Variants in ARB2A observed in about 807,000 individuals in gnomAD.
ARB2A encodes cotranscriptional regulator ARB2A.
the ARB2A span, among the ~76,000 whole-genome samples, chr5:93,728,080 T>C: frequency 2.0e-5 from 3 of 152,094 alleles, no homozygotes; most frequent in African/African-American, 4.8e-5. Context: ...AAGATATATA[T>C]ATACGGTTTT....
chr5:94,002,709 TA>T, the ARB2A span, among the ~76,000 whole-genome samples: 12 of 150,866 alleles, frequency 8.0e-5, no homozygotes, highest in African/African-American at 1.2e-4. Flanking sequence ...TCTTTTTTTT[TA>T]AAAAAAAAGT....
chr5:93,907,079 G>A, the ARB2A span, among the ~76,000 whole-genome samples: 1 of 151,422 alleles, frequency 6.6e-6, no homozygotes. Context: ...GGTTTGGGAT[G>A]CTACTGTGTA....
the ARB2A span, among the ~76,000 whole-genome samples, chr5:93,844,046 A>G: frequency 6.6e-6 from 1 of 151,968 alleles, no homozygotes; most frequent in African/African-American, 2.4e-5. Context: ...AAGAAAGAAA[A>G]ATAAAATTTT....
At chr5:93,915,490 TG>T in the ARB2A span, among the ~76,000 whole-genome samples, 2 of 151,814 alleles carry the variant, frequency 1.3e-5, no homozygotes, top group Admixed American at 1.3e-4. Flanking sequence ...CATCTATTCA[TG>T]ATCAAATTCT....
chr5:93,742,638 G>T, the ARB2A span, among the ~76,000 whole-genome samples: 1 of 152,110 alleles, frequency 6.6e-6, no homozygotes, highest in Admixed American at 6.6e-5. Context: ...CAACCATGAT[G>T]TGGCTCTGTC....
the ARB2A span, among the ~76,000 whole-genome samples, chr5:93,898,764 C>A: frequency 1.2e-3 from 184 of 152,168 alleles, no homozygotes; most frequent in African/African-American, 4.2e-3. Flanking sequence ...ATAATCTGCA[C>A]AGCCGTTAGA....
At chr5:93,695,984 A>G in the ARB2A span, among the ~76,000 whole-genome samples, 1 of 151,766 alleles carries the variant, frequency 6.6e-6, no homozygotes, top group African/African-American at 2.4e-5. Context: ...GAGTTGAGCA[A>G]TGAGAACACA....
chr5:93,710,140 G>C, the ARB2A span, among the ~76,000 whole-genome samples: 3 of 152,156 alleles, frequency 2.0e-5, no homozygotes, highest in South Asian at 2.1e-4. Flanking sequence ...TAATGAGCAA[G>C]AGTTACACAA....
the ARB2A span, among the ~76,000 whole-genome samples, chr5:93,705,651 GTATA>G: frequency 2.6e-3 from 339 of 132,920 alleles, no homozygotes; most frequent in African/African-American, 6.3e-3. Flanking sequence ...GTGTGTGTGT[GTATA>G]TATATATATA....
At chr5:94,066,779 C>A in the ARB2A span, among the ~76,000 whole-genome samples, 15 of 152,122 alleles carry the variant, frequency 9.9e-5, no homozygotes, top group African/African-American at 3.6e-4. Context: ...AACACAATTT[C>A]TCCTCAAACT....
At chr5:93,908,498 A>T in the ARB2A span, among the ~76,000 whole-genome samples, 1 of 150,768 alleles carries the variant, frequency 6.6e-6, no homozygotes, top group African/African-American at 2.4e-5. Flanking sequence ...GGTATTGCCT[A>T]AAAAGTATTA....
the ARB2A span, among the ~76,000 whole-genome samples, chr5:93,908,331 C>G: frequency 4.6e-5 from 7 of 150,776 alleles, no homozygotes; most frequent in South Asian, 8.4e-4. Context: ...ATGACACACA[C>G]AAAATATATT....
chr5:94,109,531 C>G, the ARB2A span, among the ~76,000 whole-genome samples: 1 of 152,166 alleles, frequency 6.6e-6, no homozygotes, highest in Non-Finnish European at 1.5e-5. Context: ...TCTACAGACA[C>G]CAGATTCTCC....
the ARB2A span, chr5:93,741,720 T>C: frequency 4.8e-6 from 4 of 825,098 alleles, no homozygotes; most frequent in Non-Finnish European, 7.3e-6. Context: ...GGTAGATCCA[T>C]AGGAACTCCT....
chr5:93,768,194 G>A, the ARB2A span, among the ~76,000 whole-genome samples: 3 of 151,350 alleles, frequency 2.0e-5, no homozygotes, highest in Admixed American at 6.6e-5. Context: ...TGGGGACTTG[G>A]GGGGGAAGAG....
the ARB2A span, among the ~76,000 whole-genome samples, chr5:93,874,190 A>G: frequency 6.6e-6 from 1 of 152,280 alleles, no homozygotes; most frequent in East Asian, 1.9e-4. Context: ...ACGAAAACAT[A>G]TTTGGTCTTT....
chr5:94,087,808 G>A, the ARB2A span, among the ~76,000 whole-genome samples: 2 of 152,074 alleles, frequency 1.3e-5, no homozygotes, highest in African/African-American at 4.8e-5. Context: ...TGTTACCATT[G>A]CCTATGGTAT....
the ARB2A span, among the ~76,000 whole-genome samples, chr5:93,977,664 T>A: frequency 6.6e-6 from 1 of 152,122 alleles, no homozygotes; most frequent in Non-Finnish European, 1.5e-5. Flanking sequence ...CTAAAAATCC[T>A]AGAAGAGAAC....
At chr5:93,806,262 A>C in the ARB2A span, among the ~76,000 whole-genome samples, 1 of 151,950 alleles carries the variant, frequency 6.6e-6, no homozygotes, top group Non-Finnish European at 1.5e-5. Context: ...TAATACTTTT[A>C]TATGCCTTTT....
Sources: allele counts gnomAD v4.1 joint callset (sites outside exome capture counted in the v4.1 genomes callset), GRCh38; gene constraint gnomAD v4.1.1; transcripts MANE v1.5; gene names NCBI Gene and HGNC (gene_info 2026-07-23, HGNC 2026-07-21).